KDM4B: variants seen among roughly 807,000 people sequenced by gnomAD.
The protein encoded by KDM4B is lysine demethylase 4B.
KDM4B carries 32 observed loss-of-function variants against 125.2 expected under a neutral mutation model. That is an observed-to-expected ratio of 0.26 (90% CI 0.19 to 0.34). The LOEUF is 0.34. KDM4B is among the 10% of genes least tolerant of loss of function. The pLI, the probability that KDM4B is intolerant of heterozygous loss-of-function variation, is 1.00. For missense variants in KDM4B, 1,190 were observed against 1,577.7 expected, an observed-to-expected ratio of 0.75 and a Z score of 4.16; for synonymous variants, 721 against 677.9, an observed-to-expected ratio of 1.06 and a Z score of -0.99.
intron 21 of KDM4B, among the ~76,000 whole-genome samples, chr19:5,149,821 G>A (rs1007509933): frequency 3.3e-5 from 5 of 152,248 alleles, no homozygotes; most frequent in African/African-American, 1.2e-4. Flanking sequence ...ATTTTTCTCT[G>A]AGTTGAAGGG....
intron 1 of KDM4B, among the ~76,000 whole-genome samples, chr19:5,005,903 C>T (rs902913071): frequency 6.6e-6 from 1 of 152,122 alleles, no homozygotes; most frequent in Admixed American, 6.5e-5. Context: ...GCAGTCACCG[C>T]GTCCTCCTCT....
chr19:5,084,536 AT>A (rs2038419720), intron 9 of KDM4B, among the ~76,000 whole-genome samples: 1 of 121,304 alleles, frequency 8.2e-6, no homozygotes. Context: ...TATGTTATTT[AT>A]ATATTATATA....
intron 6 of KDM4B, among the ~76,000 whole-genome samples, chr19:5,061,099 G>A (rs1007649136): frequency 5.9e-5 from 9 of 152,188 alleles, no homozygotes; most frequent in Non-Finnish European, 1.2e-4. Context: ...ACGACACCTC[G>A]TGGCCCAGGA....
chr19:5,091,357 TGG>T (rs1467054475), intron 9 of KDM4B, among the ~76,000 whole-genome samples: 1 of 152,214 alleles, frequency 6.6e-6, no homozygotes, highest in African/African-American at 2.4e-5. Flanking sequence ...CAGCTGTCTG[TGG>T]GTGAGGCCTG....
rs1490083315 is a variant in KDM4B, at chr19:5,137,971, C to T, written c.2451C>T (p.His817=). The T allele has an allele frequency of 5.6e-6, 9 of 1,612,038 alleles. No homozygotes were observed. The highest frequency in any genetic ancestry group is 4.0e-5 in the African/African-American group (3 of 74,918). Residue 817 remains histidine (H), a synonymous_variant, in exon 18 of 23, where the codon CAC becomes CAT. Transcript: ENST00000159111. ...LQMTTDRRWI[H]VICAIAVPEA... is the part of the protein sequence containing the mutation. The stretch of plus-strand genomic sequence containing the variant: ...GCACCTGCCCTCCCAGGTGGATCCA[C>T]GTGATCTGTGCCATCGCAGTCCCCG...
At chr19:5,104,411 C>T (rs764273262) in intron 9 of KDM4B, among the ~76,000 whole-genome samples, 9 of 152,002 alleles carry the variant, frequency 5.9e-5, no homozygotes, top group Non-Finnish European at 1.3e-4. Flanking sequence ...TCTTTTTGAG[C>T]TAAAAGTTGG....
At position 5,035,863 on chromosome 19, in the gene KDM4B, C is replaced by CTGTGTGTGTGTGTGTGTGTG. The variant is rs376827867; in HGVS notation, c.141+2850_141+2851insTGTGTGTGTGTGTGTGTGTG. 1.1e-4 allele frequency among the ~76,000 whole-genome samples: 16 copies of CTGTGTGTGTGTGTGTGTGTG among 142,280 alleles called. No individual in the cohort carries two copies. The highest frequency in any genetic ancestry group is 3.1e-4 in the African/African-American group (12 of 38,534). The allele number at this position is 142,280 out of a possible 152,430, so 93.3% of individuals were successfully genotyped here. A position where few individuals can be genotyped will look rare whatever the true frequency, so the allele number is the denominator to read the frequency against. On this transcript the variant is annotated intron_variant, in intron 3 of 22. Coordinates refer to ENST00000159111, the MANE Select transcript of KDM4B (RefSeq NM_015015.3). The surrounding 1 kb of genome is among the most constrained non-coding windows in gnomAD (Gnocchi z 5.3). Reference sequence around the variant, plus strand: ...GGAGGGGCTGTGTGTGCACGTGTCTCTGTGTGTGTGTGTGTGTGCGCGCGC... The same window carrying CTGTGTGTGTGTGTGTGTGTG: ...GGAGGGGCTGTGTGTGCACGTGTCTCTGTGTGTGTGTGTGTGTGTGTGTGTGTGTGTGTGTGTGCGCGCGC...
chr19:4,993,954 A>G (rs571035807), intron 1 of KDM4B, among the ~76,000 whole-genome samples: 16 of 147,056 alleles, frequency 1.1e-4, no homozygotes, highest in African/African-American at 3.5e-4. Flanking sequence ...ATGTTAGTGT[A>G]GCCACTCCAG....
At chr19:5,055,803 CTTTATTAGACCTG>C (rs1258523918) in intron 6 of KDM4B, among the ~76,000 whole-genome samples, 1 of 152,114 alleles carries the variant, frequency 6.6e-6, no homozygotes, top group African/African-American at 2.4e-5. Context: ...TTAAATAGGT[CTTTATTAGACCTG>C]TTTTAGATTC....
intron 13 of KDM4B, among the ~76,000 whole-genome samples, chr19:5,132,642 C>T (rs543000245): frequency 4.6e-5 from 7 of 152,096 alleles, no homozygotes; most frequent in Non-Finnish European, 1.0e-4. Context: ...GGGGCCCCCG[C>T]GGGCTGGCTT....
At chr19:5,065,562 G>A (rs377294126) in intron 6 of KDM4B, among the ~76,000 whole-genome samples, 42 of 152,296 alleles carry the variant, frequency 2.8e-4, no homozygotes, top group African/African-American at 9.9e-4. Flanking sequence ...CATTCCGGGG[G>A]AATAAACAAA....
At chr19:4,986,809 G>A (rs1044743661) in intron 1 of KDM4B, among the ~76,000 whole-genome samples, 2 of 152,244 alleles carry the variant, frequency 1.3e-5, no homozygotes, top group African/African-American at 4.8e-5. Flanking sequence ...AAGGCGGAAC[G>A]AGGCGCAGCT....
At position 5,141,555 on chromosome 19, in the gene KDM4B, C is replaced by T. The variant is rs1183734200; in HGVS notation, c.2551-2412C>T. 2.6e-5 allele frequency: 4 copies of T among 152,224 alleles called. No individual in the cohort carries two copies. Among genetic ancestry groups the T allele is most frequent in the African/African-American group, 4.8e-5 (2 of 41,458 alleles). The allele number at this position is 152,224 out of a possible 1,614,324, so 9.4% of individuals were successfully genotyped here. On this transcript the variant is annotated intron_variant, in intron 18 of 22. Coordinates refer to ENST00000159111, the MANE Select transcript of KDM4B (RefSeq NM_015015.3). This position sits in a 1 kb window ranked among gnomAD's most constrained non-coding sequence, Gnocchi z 6.4. The stretch of plus-strand genomic sequence containing the variant: ...TTTGCAAGGAGGCGGCGGTTAATTC[C>T]TGCTCGCCCAACCGCCCAGCCACCT...
At position 5,035,553 on chromosome 19, in the gene KDM4B, C is replaced by T. The variant is rs1030006637; in HGVS notation, c.141+2522C>T. ...CTCCCCCGCGCTGGCACCTCCGCTT[C>T]GTCCCTCCCTCCCTCTGCCTCCTTG... On this transcript the variant is annotated intron_variant, in intron 3 of 22. Coordinates refer to ENST00000159111, the MANE Select transcript of KDM4B (RefSeq NM_015015.3). The surrounding 1 kb of genome is among the most constrained non-coding windows in gnomAD (Gnocchi z 5.3). 1.3e-5 allele frequency among the ~76,000 whole-genome samples: 2 copies of T among 152,118 alleles called. No individual in the cohort carries two copies. Among genetic ancestry groups the T allele is most frequent in the African/African-American group, 4.8e-5 (2 of 41,416 alleles).
In KDM4B at chr19:5,114,457, A is replaced by C. The variant is rs2039217125; in HGVS notation, c.1115+3639A>C. ...GCCACGGCTGCCACACCCCAGCTGC[A>C]TTCCTGAGCCCTCCCCACCAACAGG... On this transcript the variant is annotated intron_variant, in intron 10 of 22. Transcript: ENST00000159111. This position sits in a 1 kb window ranked among gnomAD's most constrained non-coding sequence, Gnocchi z 5.8. 4 of 390,696 alleles carry C rather than the reference A, an allele frequency of 1.0e-5. No individual in the cohort carries two copies. Among genetic ancestry groups the C allele is most frequent in the African/African-American group, 4.1e-5 (2 of 48,558 alleles). The allele number at this position is 390,696 out of a possible 1,614,324, so 24.2% of individuals were successfully genotyped here.
At chr19:4,993,367 C>T (rs1599372440) in intron 1 of KDM4B, among the ~76,000 whole-genome samples, 1 of 151,896 alleles carries the variant, frequency 6.6e-6, no homozygotes, top group African/African-American at 2.4e-5. Flanking sequence ...TGAGATCACC[C>T]CACTACCCTC....
rs545633827 is a variant in KDM4B, at chr19:4,986,845, A to G, written c.-109+17615A>G. On this transcript the variant is annotated intron_variant, in intron 1 of 22. Transcript: ENST00000159111. ...CACTGAGCTGGCAGGAGCAGAGAGG[A>G]CTGCAGGGGCACAGAGGCCGGAGCA... Among the ~76,000 whole-genome samples the G allele has an allele frequency of 6.0e-4, 92 of 152,318 alleles. 1 individual carries two copies. Among genetic ancestry groups the G allele is most frequent in the African/African-American group, 1.9e-3 (79 of 41,582 alleles).
intron 9 of KDM4B, among the ~76,000 whole-genome samples, chr19:5,105,486 G>A (rs966326846): frequency 6.6e-6 from 1 of 152,234 alleles, no homozygotes; most frequent in Non-Finnish European, 1.5e-5. Context: ...GGGCTGGAGT[G>A]CTGTGGCATG....
chr19:5,091,569 C>T (rs541580521), intron 9 of KDM4B, among the ~76,000 whole-genome samples: 4 of 152,208 alleles, frequency 2.6e-5, no homozygotes, highest in East Asian at 1.9e-4. Context: ...AACCAGGCCT[C>T]TCCTAAAACC....
Sources: allele counts gnomAD v4.1 joint callset (sites outside exome capture counted in the v4.1 genomes callset), GRCh38; gene constraint gnomAD v4.1.1; non-coding constraint Gnocchi (gnomAD v3.1); transcripts MANE v1.5; gene names NCBI Gene and HGNC (gene_info 2026-07-23, HGNC 2026-07-21).